The following ADCY8 variants were observed in gnomAD, a reference collection of about 807,000 sequenced individuals.
The protein encoded by ADCY8 is adenylate cyclase type 8.
Under a neutral mutation model 119.7 loss-of-function variants are expected in ADCY8, and 51 were observed. That is an observed-to-expected ratio of 0.43 (90% CI 0.34 to 0.54). The LOEUF is 0.54. Ranked by LOEUF, ADCY8 falls within the 20% of genes least tolerant of loss-of-function variation. ADCY8 has a pLI of 0.03. For synonymous variants in ADCY8, 665 were observed against 651.0 expected (o/e 1.02, Z -0.33); for missense variants, 1,383 against 1,598.8 (o/e 0.87, Z 2.30).
In ADCY8 at chr8:130,785,851, C is replaced by T. The variant is rs867312024; in HGVS notation, c.3061-376G>A. Among the ~76,000 whole-genome samples, 64 of 152,326 alleles carry T rather than the reference C, an allele frequency of 4.2e-4. 1 individual carries two copies. Among genetic ancestry groups the T allele is most frequent in the African/African-American group, 2.4e-4 (10 of 41,570 alleles). On this transcript the variant is annotated intron_variant, in intron 15 of 17. Transcript: ENST00000286355. ...ACCTGTCCGCTCTCTTATCGTCTCC[C>T]TCTCTCACTCTGCTCCAGCTGCACT... is the stretch of plus-strand genomic sequence containing the variant.
chr8:130,907,708 G>C (rs1819834405), intron 6 of ADCY8, among the ~76,000 whole-genome samples: 1 of 152,110 alleles, frequency 6.6e-6, no homozygotes, highest in African/African-American at 2.4e-5. Context: ...TCACTTTTCT[G>C]TTTCTTTTTA....
At chr8:130,967,243 C>G (rs1821789706) in intron 2 of ADCY8, among the ~76,000 whole-genome samples, 1 of 152,198 alleles carries the variant, frequency 6.6e-6, no homozygotes, top group Non-Finnish European at 1.5e-5. Flanking sequence ...TCACTTCAGA[C>G]TGATTCAGCA....
chr8:130,836,934 A>C (rs1449034648), intron 11 of ADCY8, among the ~76,000 whole-genome samples: 3 of 152,046 alleles, frequency 2.0e-5, no homozygotes, highest in Non-Finnish European at 2.9e-5. Flanking sequence ...GAGTTTCACC[A>C]TGTTGGCCAG....
At chr8:130,827,716 T>C (rs1816710260) in intron 12 of ADCY8, among the ~76,000 whole-genome samples, 1 of 152,160 alleles carries the variant, frequency 6.6e-6, no homozygotes, top group African/African-American at 2.4e-5. Flanking sequence ...CCCCAGACAA[T>C]GTAGCTGCTT....
At chr8:130,836,510 A>G (rs1816992437) in intron 11 of ADCY8, 61 bp from the exon 12 acceptor site, 1 of 1,550,604 alleles carries the variant, frequency 6.4e-7, no homozygotes, top group Non-Finnish European at 8.8e-7. Flanking sequence ...TCTCCTAGCC[A>G]TGGATGCTAG....
At chr8:131,026,636 CA>C (rs1554626745) in intron 1 of ADCY8, among the ~76,000 whole-genome samples, 1 of 152,060 alleles carries the variant, frequency 6.6e-6, no homozygotes, top group Non-Finnish European at 1.5e-5. Context: ...CTCCTAAATC[CA>C]AATTTTGTCA....
In ADCY8 at chr8:130,933,047, C is replaced by T. The variant is rs1367188918; in HGVS notation, c.1481+4026G>A. ...GCACTGGCCCCTTGTTGTCTTTCTG[C>T]ACTCTGGGGATTGATGGTATCCTAA... On this transcript the variant is annotated intron_variant, in intron 5 of 17. Transcript: ENST00000286355. Among the ~76,000 whole-genome samples the T allele has an allele frequency of 5.3e-5, 8 of 152,156 alleles. 1 individual carries two copies. Among genetic ancestry groups the T allele is most frequent in the Admixed American group, 4.6e-4 (7 of 15,266 alleles).
intron 7 of ADCY8, among the ~76,000 whole-genome samples, chr8:130,893,594 C>T (rs1819267489): frequency 6.6e-6 from 1 of 151,844 alleles, no homozygotes; most frequent in African/African-American, 2.4e-5. Flanking sequence ...TAAGTTACTC[C>T]ATTTTCTTGT....
At chr8:131,003,623 C>CAATAGCAACCT (rs6150817) in intron 1 of ADCY8, among the ~76,000 whole-genome samples, 26 of 152,056 alleles carry the variant, frequency 1.7e-4, no homozygotes, top group Admixed American at 1.0e-3. Flanking sequence ...ATGGACAGTC[C>CAATAGCAACCT]TGCTTGGGCT....
chr8:130,957,685 A>G (rs139013516), intron 2 of ADCY8, among the ~76,000 whole-genome samples: 3,430 of 151,856 alleles, frequency 0.023, 155 homozygotes, highest in African/African-American at 0.077. Context: ...GGGTCCCCAT[A>G]CTGTGTGCAG....
chr8:130,967,265 A>G (rs1163338938), intron 2 of ADCY8, among the ~76,000 whole-genome samples: 1 of 152,192 alleles, frequency 6.6e-6, no homozygotes, highest in Non-Finnish European at 1.5e-5. Flanking sequence ...GGAGGGTGGA[A>G]GTCTGGATAA....
At chr8:130,996,135 C>T (rs1822765310) in intron 1 of ADCY8, among the ~76,000 whole-genome samples, 1 of 151,786 alleles carries the variant, frequency 6.6e-6, no homozygotes, top group Non-Finnish European at 1.5e-5. Flanking sequence ...CTAACAAATG[C>T]ATGAGAGCTA....
At chr8:130,826,261 G>A (rs1816665315) in intron 12 of ADCY8, among the ~76,000 whole-genome samples, 1 of 152,122 alleles carries the variant, frequency 6.6e-6, no homozygotes, top group South Asian at 2.1e-4. Flanking sequence ...AAATTAGAAA[G>A]AGACATATGA....
rs1366828527 is a variant in ADCY8, at chr8:130,884,718, T to C, written c.1955A>G (p.Asn652Ser). 1.2e-6 allele frequency: 2 copies of C among 1,613,888 alleles called. No homozygotes were observed. The highest frequency in any genetic ancestry group is 1.7e-6 in the Non-Finnish European group (2 of 1,179,824). ...GACATGCAAAGCTTGTGCAAGATGGTTTGGAAGCAGATTTATTGAATTTCT... is the reference window on the plus strand; with the variant it reads ...GACATGCAAAGCTTGTGCAAGATGGCTTGGAAGCAGATTTATTGAATTTCT... ...LTRNSINLLP[N>S]HLAQALHVQS... Residue 652 changes from asparagine to serine, a missense_variant, in exon 8 of 18, where the codon AAC (asparagine) becomes AGC (serine). Transcript: ENST00000286355.
intron 7 of ADCY8, among the ~76,000 whole-genome samples, chr8:130,890,789 T>C (rs941803730): frequency 6.6e-6 from 1 of 152,178 alleles, no homozygotes; most frequent in Non-Finnish European, 1.5e-5. Flanking sequence ...CTTCAGTTTG[T>C]GTGTTCTCCA....
intron 4 of ADCY8, 103 bp downstream of exon 4, chr8:130,943,248 T>C (rs1422646398): frequency 1.3e-6 from 1 of 780,702 alleles, no homozygotes; most frequent in African/African-American, 1.7e-5. Flanking sequence ...GGATGCAGAA[T>C]GGTAATGACA....
intron 15 of ADCY8, among the ~76,000 whole-genome samples, chr8:130,786,562 T>C (rs1433866025): frequency 6.6e-6 from 1 of 152,226 alleles, no homozygotes. Context: ...GTTATAGATT[T>C]CTGTTGTTTC....
intron 7 of ADCY8, among the ~76,000 whole-genome samples, chr8:130,892,957 C>T (rs1469329511): frequency 6.6e-6 from 1 of 152,102 alleles, no homozygotes; most frequent in Non-Finnish European, 1.5e-5. Context: ...TGACTCTATT[C>T]CACCAATCTA....
At chr8:130,836,165 A>C in intron 12 of ADCY8, 112 bp downstream of exon 12, 2 of 1,191,980 alleles carry the variant, frequency 1.7e-6, no homozygotes, top group Non-Finnish European at 2.3e-6. Flanking sequence ...GATATAAGTC[A>C]ATATCCAATC....
Sources: allele counts gnomAD v4.1 joint callset (sites outside exome capture counted in the v4.1 genomes callset), GRCh38; gene constraint gnomAD v4.1.1; transcripts MANE v1.5; gene names NCBI Gene and HGNC (gene_info 2026-07-23, HGNC 2026-07-21).